The following ESR2 variants were observed in gnomAD, a reference collection of about 807,000 sequenced individuals.
The protein encoded by ESR2 is estrogen receptor 2, also known as estrogen receptor beta.
A neutral mutation model predicts 49.6 loss-of-function variants in ESR2; 36 were observed. That is an observed-to-expected ratio of 0.73 (90% CI 0.56 to 0.96). The LOEUF is 0.96. Ranked by LOEUF, ESR2 falls within the 40% of genes least tolerant of loss-of-function variation. ESR2 has a pLI of 0.00. For synonymous variants in ESR2, 320 were observed against 266.1 expected, an observed-to-expected ratio of 1.20 and a Z score of -1.97; for missense variants, 714 against 693.0, an observed-to-expected ratio of 1.03 and a Z score of -0.34.
intron 1 of ESR2, among the ~76,000 whole-genome samples, chr14:64,283,597 A>G (rs1224188674): frequency 1.3e-5 from 2 of 151,814 alleles, no homozygotes; most frequent in African/African-American, 4.8e-5. Flanking sequence ...CGTCTCTACT[A>G]AAAATTAGCC....
At chr14:64,273,880 T>A (rs2140784831) in intron 3 of ESR2, among the ~76,000 whole-genome samples, 1 of 152,212 alleles carries the variant, frequency 6.6e-6, no homozygotes, top group African/African-American at 2.4e-5. Flanking sequence ...TAGTTCTTCT[T>A]TAAATGTTTG....
intron 6 of ESR2, among the ~76,000 whole-genome samples, chr14:64,251,866 G>A (rs374146654): frequency 2.0e-5 from 3 of 152,140 alleles, no homozygotes; most frequent in South Asian, 4.1e-4. Context: ...ATAAGACATC[G>A]TAAATGACAG....
At chr14:64,241,145 C>CA (rs56347632) in intron 7 of ESR2, among the ~76,000 whole-genome samples, 1,426 of 95,176 alleles carry the variant, frequency 0.015, 41 homozygotes, top group Middle Eastern at 0.021. Flanking sequence ...GACTCCGTCT[C>CA]AAAAAAAAAA....
chr14:64,303,000 A>G (rs1214851295), intron 1 of ESR2, among the ~76,000 whole-genome samples: 2 of 152,058 alleles, frequency 1.3e-5, no homozygotes, highest in Admixed American at 6.6e-5. Context: ...GGGTTTCACT[A>G]TGTTGGCCAG....
At chr14:64,292,689 TG>T (rs2076891953) in intron 1 of ESR2, among the ~76,000 whole-genome samples, 1 of 152,188 alleles carries the variant, frequency 6.6e-6, no homozygotes, top group Non-Finnish European at 1.5e-5. Flanking sequence ...AATTATCACA[TG>T]AATTTTGAAT....
intron 1 of ESR2, among the ~76,000 whole-genome samples, chr14:64,328,884 A>G (rs967153088): frequency 1.3e-5 from 2 of 152,222 alleles, no homozygotes; most frequent in African/African-American, 4.8e-5. Context: ...TTGTATTTCA[A>G]AGAAAGTAGC....
At chr14:64,285,507 AC>A (rs1025880536) in intron 1 of ESR2, among the ~76,000 whole-genome samples, 2 of 152,096 alleles carry the variant, frequency 1.3e-5, no homozygotes, top group African/African-American at 4.8e-5. Flanking sequence ...TATCAGAACT[AC>A]CTTGAACCCT....
intron 7 of ESR2, among the ~76,000 whole-genome samples, chr14:64,248,531 AAAAG>A (rs936534614): frequency 4.0e-5 from 6 of 151,748 alleles, no homozygotes; most frequent in African/African-American, 7.2e-5. Context: ...AAGAAAAAAA[AAAAG>A]AAAGAAAGGA....
downstream of ESR2, among the ~76,000 whole-genome samples, chr14:64,228,305 C>G (rs1265830083): frequency 6.6e-6 from 1 of 152,136 alleles, no homozygotes; most frequent in Non-Finnish European, 1.5e-5. Flanking sequence ...CACTCAACCC[C>G]CAACAAATAC....
chr14:64,301,426 A>C (rs2077019758), intron 1 of ESR2: 1 of 152,248 alleles, frequency 6.6e-6, no homozygotes, highest in Non-Finnish European at 1.5e-5. Flanking sequence ...ACACAGGTGC[A>C]TGGGCCCAGC....
chr14:64,239,913 G>A (rs901083066), intron 7 of ESR2, among the ~76,000 whole-genome samples: 1 of 152,138 alleles, frequency 6.6e-6, no homozygotes, highest in Non-Finnish European at 1.5e-5. Context: ...GCCCACCATG[G>A]ATCAGACCTT....
rs931153483 is a variant in ESR2, at chr14:64,260,844, T to TAC, written c.653-98_653-97dup. ...TATTTTCTGGAGCCTGTGGGGCACG[T>TAC]ACCAAAGATTACTATGGTCGTGACC... On this transcript the variant is annotated intron_variant, in intron 4 of 8. Coordinates refer to ENST00000341099, the MANE Select transcript of ESR2 (RefSeq NM_001437.3). 1.1e-5 allele frequency: 12 copies of TAC among 1,140,612 alleles called. No individual in the cohort carries two copies. In the African/African-American group the frequency reaches 1.9e-4, roughly 18 times the overall value. The allele number at this position is 1,140,612 out of a possible 1,614,324, so 70.7% of individuals were successfully genotyped here.
At position 64,230,821 on chromosome 14, in the gene ESR2, T is replaced by TAGA; in HGVS notation, c.*2313_*2315dup. The stretch of plus-strand genomic sequence containing the variant: ...GCCATTGCCAGTTCACTCCCAGGAG[T>TAGA]AGAAGTGATCTCTGTCTTAAGATCT... On this transcript the variant is annotated 3_prime_UTR_variant, in exon 9 of 9. Transcript: ENST00000341099. The TAGA allele has an allele frequency of 6.8e-6, 1 of 147,478 alleles. No individual in the cohort carries two copies. Among genetic ancestry groups the TAGA allele is most frequent in the Non-Finnish European group, 1.5e-5 (1 of 67,350 alleles). 9.1% of individuals were successfully genotyped at this position (147,478 alleles called of 1,614,324 possible). A position where few individuals can be genotyped will look rare whatever the true frequency, so the allele number is the denominator to read the frequency against.
In ESR2 at chr14:64,233,161, G is replaced by T. The variant is rs927809399; in HGVS notation, c.1569C>A (p.Gly523=). Residue 523 remains glycine (G), a synonymous_variant, in exon 9 of 9, where the codon GGC becomes GGA. Coordinates refer to ENST00000341099, the MANE Select transcript of ESR2 (RefSeq NM_001437.3). ...SPAEDSKSKE[G]SQNPQSQ Reference sequence around the variant, plus strand: ...GTCACTGAGACTGTGGGTTCTGGGAGCCCTCTTTGCTTTTACTGTCCTCTG... The same window carrying T: ...GTCACTGAGACTGTGGGTTCTGGGATCCCTCTTTGCTTTTACTGTCCTCTG... 2.5e-6 allele frequency: 4 copies of T among 1,613,742 alleles called. No individual in the cohort carries two copies. Among genetic ancestry groups the T allele is most frequent in the African/African-American group, 1.3e-5 (1 of 74,908 alleles).
In ESR2 at chr14:64,268,984, A is replaced by G. The variant is rs1043390553; in HGVS notation, c.536-73T>C. ...GTTAAATCTCTTCCTGGTCAACAAC[A>G]CTGATAACACTTTCCAGCTGAGAGA... On this transcript the variant is annotated intron_variant, in intron 3 of 8. Coordinates refer to ENST00000341099, the MANE Select transcript of ESR2 (RefSeq NM_001437.3). The G allele has an allele frequency of 9.3e-6, 8 of 858,940 alleles. No individual in the cohort carries two copies. In the Admixed American group the frequency reaches 1.3e-4, roughly 14 times the overall value. 53.2% of individuals were successfully genotyped at this position (858,940 alleles called of 1,614,324 possible). A position where few individuals can be genotyped will look rare whatever the true frequency, so the allele number is the denominator to read the frequency against.
At position 64,228,583 on chromosome 14, in the gene ESR2, A is replaced by T. The variant is rs975845978; in HGVS notation, c.*4554T>A. Among the ~76,000 whole-genome samples the T allele has an allele frequency of 2.0e-5, 3 of 152,370 alleles. No individual in the cohort carries two copies. In the South Asian group the frequency reaches 6.2e-4, roughly 32 times the overall value. On this transcript the variant is annotated 3_prime_UTR_variant, in exon 9 of 9. Coordinates refer to ENST00000341099, the MANE Select transcript of ESR2 (RefSeq NM_001437.3). ...ATTATAGCCAACCAACAGGCTCTGAAGTACACATTGAATGACAAAAGGTAT... is the reference window on the plus strand; with the variant it reads ...ATTATAGCCAACCAACAGGCTCTGATGTACACATTGAATGACAAAAGGTAT...
At chr14:64,283,610 G>T (rs190097675) in intron 1 of ESR2, among the ~76,000 whole-genome samples, 1 of 151,676 alleles carries the variant, frequency 6.6e-6, no homozygotes, top group Non-Finnish European at 1.5e-5. Context: ...AATTAGCCAG[G>T]AATGGTGGCA....
intron 5 of ESR2, among the ~76,000 whole-genome samples, chr14:64,257,842 G>T (rs1233399743): frequency 6.6e-6 from 1 of 152,186 alleles, no homozygotes; most frequent in East Asian, 1.9e-4. Context: ...GGCCTCAACT[G>T]CAAGGATTTC....
intron 2 of ESR2, among the ~76,000 whole-genome samples, chr14:64,282,074 T>C (rs996055320): frequency 6.6e-6 from 1 of 152,216 alleles, no homozygotes; most frequent in Non-Finnish European, 1.5e-5. Context: ...AGGCACAGTG[T>C]TCATCACGTC....
Sources: allele counts gnomAD v4.1 joint callset (sites outside exome capture counted in the v4.1 genomes callset), GRCh38; gene constraint gnomAD v4.1.1; transcripts MANE v1.5; gene names NCBI Gene and HGNC (gene_info 2026-07-23, HGNC 2026-07-21).